Variants in HPSE2 observed in about 807,000 individuals in gnomAD.
HPSE2 encodes the protein heparanase 2 (inactive), also known as inactive heparanase-2.
Under a neutral mutation model 60.5 loss-of-function variants are expected in HPSE2, and 38 were observed. That is an observed-to-expected ratio of 0.63 (90% CI 0.48 to 0.82). The LOEUF (loss-of-function observed/expected upper bound fraction) is 0.82. HPSE2 is among the 40% of genes least tolerant of loss of function. The pLI, the probability that HPSE2 is intolerant of heterozygous loss-of-function variation, is 0.00. For synonymous variants in HPSE2, 295 were observed against 293.2 expected (o/e 1.01, Z -0.06); for missense variants, 713 against 740.4 (o/e 0.96, Z 0.43).
intron 9 of HPSE2, among the ~76,000 whole-genome samples, chr10:98,529,346 C>T (rs1191909772): frequency 6.6e-6 from 1 of 152,120 alleles, no homozygotes; most frequent in African/African-American, 2.4e-5. Flanking sequence ...TGATCTCTAT[C>T]GACACTTAAA....
chr10:99,296,971 C>T, the HPSE2 span, among the ~76,000 whole-genome samples: 11 of 152,118 alleles, frequency 7.2e-5, no homozygotes, highest in South Asian at 6.2e-4. Context: ...TGGCAATTGA[C>T]GAGATGAGGA....
At position 99,131,118 on chromosome 10, in the gene HPSE2, G is replaced by C. The variant is rs540786690; in HGVS notation, c.610+13120C>G. Among the ~76,000 whole-genome samples the C allele has an allele frequency of 1.2e-4, 19 of 152,258 alleles. No homozygotes were observed. In the East Asian group the frequency reaches 3.5e-3, roughly 28 times the overall value. ...GATCATCTCAATAGATACAGAAAAA[G>C]CAGCTGAGGAAATCCAGCATCCCTT... On this transcript the variant is annotated intron_variant, in intron 3 of 11. Transcript: ENST00000370552.
chr10:99,261,029 A>T, the HPSE2 span, among the ~76,000 whole-genome samples: 1 of 152,172 alleles, frequency 6.6e-6, no homozygotes, highest in African/African-American at 2.4e-5. Context: ...TCCATTTTAC[A>T]AGAGCTGGAT....
In HPSE2 at chr10:98,567,727, C is replaced by T. The variant is rs139133508; in HGVS notation, c.1320+47177G>A. Among the ~76,000 whole-genome samples, 59 of 146,704 alleles carry T rather than the reference C, an allele frequency of 4.0e-4. 1 individual carries two copies. The highest frequency in any genetic ancestry group is 1.4e-3 in the African/African-American group (54 of 39,998). ...GGTGATGCCTTGTGAATATTTCCTT[C>T]GTGTTTCTCTACAAATGGATGGTGT... On this transcript the variant is annotated intron_variant, in intron 9 of 11. Coordinates refer to ENST00000370552, the MANE Select transcript of HPSE2 (RefSeq NM_021828.5).
intron 6 of HPSE2, among the ~76,000 whole-genome samples, chr10:98,689,979 A>C (rs572897172): frequency 2.3e-4 from 35 of 152,028 alleles, no homozygotes; most frequent in Non-Finnish European, 4.7e-4. Context: ...GGCAGCTGAA[A>C]TCTCTGTTCA....
chr10:99,287,507 G>A, the HPSE2 span, among the ~76,000 whole-genome samples: 1 of 152,138 alleles, frequency 6.6e-6, no homozygotes, highest in Non-Finnish European at 1.5e-5. Context: ...GTGTGAGGGT[G>A]GCAGGGGTGT....
At chr10:98,860,130 G>A (rs760329453) in intron 3 of HPSE2, among the ~76,000 whole-genome samples, 1 of 152,122 alleles carries the variant, frequency 6.6e-6, no homozygotes, top group Non-Finnish European at 1.5e-5. Context: ...TCATGGATAA[G>A]GGGGGACTAC....
At chr10:99,123,310 A>C (rs1845031884) in intron 3 of HPSE2, among the ~76,000 whole-genome samples, 1 of 152,242 alleles carries the variant, frequency 6.6e-6, no homozygotes, top group Non-Finnish European at 1.5e-5. Flanking sequence ...AAGGTAATTC[A>C]CCAAAGAGGA....
chr10:99,121,379 A>C (rs537500014), intron 3 of HPSE2, among the ~76,000 whole-genome samples: 1 of 152,296 alleles, frequency 6.6e-6, no homozygotes, highest in Admixed American at 6.5e-5. Flanking sequence ...TAATCTGTAG[A>C]ACAAACCCCC....
chr10:98,707,929 T>G (rs1332951904), intron 5 of HPSE2, among the ~76,000 whole-genome samples: 1 of 152,116 alleles, frequency 6.6e-6, no homozygotes, highest in Admixed American at 6.6e-5. Flanking sequence ...ATCATGAAAT[T>G]TGTAATGATT....
intron 2 of HPSE2, among the ~76,000 whole-genome samples, chr10:99,229,630 A>G (rs1437417125): frequency 1.3e-5 from 2 of 152,222 alleles, no homozygotes; most frequent in South Asian, 2.1e-4. Flanking sequence ...CCACACATTC[A>G]TAAGTCATAG....
chr10:98,939,678 C>T (rs1954928377), intron 3 of HPSE2, among the ~76,000 whole-genome samples: 1 of 143,572 alleles, frequency 7.0e-6, no homozygotes, highest in South Asian at 2.1e-4. Flanking sequence ...ATCAACGAGA[C>T]AGAAAGTTAA....
At chr10:98,830,947 G>C (rs974721418) in intron 3 of HPSE2, among the ~76,000 whole-genome samples, 2 of 152,144 alleles carry the variant, frequency 1.3e-5, no homozygotes, top group Non-Finnish European at 2.9e-5. Context: ...CCCAGATTTA[G>C]GTTTAAGTTC....
intron 3 of HPSE2, among the ~76,000 whole-genome samples, chr10:98,758,706 G>A (rs1266850315): frequency 6.6e-6 from 1 of 152,206 alleles, no homozygotes; most frequent in African/African-American, 2.4e-5. Flanking sequence ...TGAGCTTGCG[G>A]AGAAAAACGA....
rs567499814 is a variant in HPSE2, at chr10:98,953,440, A to G, written c.610+190798T>C. On this transcript the variant is annotated intron_variant, in intron 3 of 11. Transcript: ENST00000370552. ...TCTAATACAGCAAGGACCTGGGCAG[A>G]CTCAGCCATCTCACCACATCAAACT... 2.6e-5 allele frequency among the ~76,000 whole-genome samples: 4 copies of G among 152,164 alleles called. No homozygotes were observed. In the South Asian group the frequency reaches 8.3e-4, roughly 32 times the overall value.
chr10:99,276,174 T>C, the HPSE2 span, among the ~76,000 whole-genome samples: 15 of 152,250 alleles, frequency 9.9e-5, no homozygotes, highest in Non-Finnish European at 1.9e-4. Flanking sequence ...TACATATAAA[T>C]ACAATATTCG....
the HPSE2 span, among the ~76,000 whole-genome samples, chr10:99,260,837 G>A: frequency 6.6e-6 from 1 of 151,992 alleles, no homozygotes; most frequent in Non-Finnish European, 1.5e-5. Context: ...TTCACTATGG[G>A]CAACCTTGCG....
chr10:98,691,497 CCTCT>C (rs900629235), intron 6 of HPSE2, among the ~76,000 whole-genome samples: 2 of 152,154 alleles, frequency 1.3e-5, no homozygotes, highest in Non-Finnish European at 1.5e-5. Flanking sequence ...TTCTCTTATC[CCTCT>C]CTGTCAGCCA....
intron 9 of HPSE2, among the ~76,000 whole-genome samples, chr10:98,608,680 G>A (rs1945662836): frequency 6.6e-6 from 1 of 152,152 alleles, no homozygotes. Context: ...TCTCTCAGCA[G>A]CCGCAGGTTC....
Sources: allele counts gnomAD v4.1 joint callset (sites outside exome capture counted in the v4.1 genomes callset), GRCh38; gene constraint gnomAD v4.1.1; transcripts MANE v1.5; gene names NCBI Gene and HGNC (gene_info 2026-07-23, HGNC 2026-07-21).